The following SLITRK3 variants were observed in gnomAD, a reference collection of about 807,000 sequenced individuals.
The protein encoded by SLITRK3 is SLIT and NTRK like family member 3.
SLITRK3 carries 16 observed loss-of-function variants against 63.6 expected under a neutral mutation model. That is an observed-to-expected ratio of 0.25 (90% CI 0.17 to 0.38). SLITRK3 has a LOEUF of 0.38. Ranked by LOEUF, SLITRK3 falls within the 10% of genes least tolerant of loss-of-function variation. The pLI, the probability that SLITRK3 is intolerant of heterozygous loss-of-function variation, is 1.00. For missense variants in SLITRK3, 1,117 were observed against 1,181.4 expected (o/e 0.95, Z 0.80); for synonymous variants, 547 against 451.6 (o/e 1.21, Z -2.68).
At position 165,189,472 on chromosome 3, in the gene SLITRK3, G is replaced by A; in HGVS notation, c.1359C>T (p.Ile453=). ...AGAGGCTCTTTAAGTTGGGCAAGTTGATAAAGGCCCCATCTTGGACATAGG... is the reference window on the plus strand; with the variant it reads ...AGAGGCTCTTTAAGTTGGGCAAGTTAATAAAGGCCCCATCTTGGACATAGG... ...RISYVQDGAF[I]NLPNLKSLFL... is the part of the protein sequence containing the mutation. Residue 453 remains isoleucine (I), a synonymous_variant, in exon 2 of 2, where the codon ATC becomes ATT. Transcript: ENST00000475390. The surrounding 1 kb of genome is among the most constrained non-coding windows in gnomAD (Gnocchi z 4.0). 2 of 1,613,512 alleles carry A rather than the reference G, an allele frequency of 1.2e-6. No homozygotes were observed. The highest frequency in any genetic ancestry group is 1.3e-5 in the African/African-American group (1 of 75,034).
chr3:165,191,870 C>T (rs1411664642), intron 1 of SLITRK3, among the ~76,000 whole-genome samples: 2 of 152,084 alleles, frequency 1.3e-5, no homozygotes, highest in African/African-American at 2.4e-5. Flanking sequence ...ATCTATCACA[C>T]GAAATAAATT....
At chr3:165,195,380 G>A (rs1490119306) in intron 1 of SLITRK3, among the ~76,000 whole-genome samples, 200 bp downstream of exon 1, 1 of 152,102 alleles carries the variant, frequency 6.6e-6, no homozygotes, top group Admixed American at 6.5e-5. Context: ...AGGTCCGAGG[G>A]TATGTTAGTC....
chr3:165,188,695 A>G lies in SLITRK3; in HGVS notation c.2136T>C (p.Gly712=). The stretch of plus-strand genomic sequence containing the variant: ...CCCCACTTCCGCCACCACCACCTCC[A>G]CCATCCTCAAACAGCCTGTGGCATT... The part of the protein sequence containing the change: ...QMQCHRLFED[G]GGGGGGSGGG... Residue 712 remains glycine (G), a synonymous_variant, in exon 2 of 2, where the codon GGT becomes GGC. Transcript: ENST00000475390. 6.2e-7 allele frequency: 1 copy of G among 1,613,772 alleles called. No individual in the cohort carries two copies. The highest frequency in any genetic ancestry group is 2.2e-5 in the East Asian group (1 of 44,848).
Position 165,190,627 on chromosome 3 carries a change from A to T in SLITRK3, c.204T>A (p.Asn68Lys). 1 of 1,613,962 alleles carries T rather than the reference A, an allele frequency of 6.2e-7. No individual in the cohort carries two copies. ...HIHCDSKGFT[N>K]ISQITEFWSR... is the part of the protein sequence containing the mutation. ...ACCAGAACTCGGTAATCTGACTAAT[A>T]TTTGTAAATCCTTTACTGTCACAAT... Residue 68 changes from asparagine (N) to lysine (K), a missense_variant, in exon 2 of 2, where the codon AAT (asparagine) becomes AAA (lysine). Transcript: ENST00000475390.
intron 1 of SLITRK3, among the ~76,000 whole-genome samples, chr3:165,194,593 TCCCCAGCTGCCGGCA>T (rs988568709): frequency 2.6e-5 from 4 of 151,668 alleles, no homozygotes; most frequent in African/African-American, 9.7e-5. Flanking sequence ...TCCCTCTCCC[TCCCCAGCTGCCGGCA>T]CCCGCACCCT....
Position 165,196,199 on chromosome 3 carries a change from G to A in SLITRK3, c.-641C>T, listed in dbSNP as rs1341438945. Among the ~76,000 whole-genome samples, 1 of 151,156 alleles carries A rather than the reference G, an allele frequency of 6.6e-6. No individual in the cohort carries two copies. The highest frequency in any genetic ancestry group is 1.5e-5 in the Non-Finnish European group (1 of 67,856). On this transcript the variant is annotated 5_prime_UTR_variant, in exon 1 of 2. Coordinates refer to ENST00000475390, the MANE Select transcript of SLITRK3 (RefSeq NM_001318810.2). The stretch of plus-strand genomic sequence containing the variant: ...GTGGGGAGAGGCGGAAAGGAGGCAG[G>A]AAGGGGGCGACTAGATCTCAGATCC...
Position 165,186,726 on chromosome 3 carries a change from T to C in SLITRK3, c.*1171A>G, listed in dbSNP as rs1717968468. The C allele has an allele frequency of 1.3e-5, 2 of 152,586 alleles. No individual in the cohort carries two copies. Among genetic ancestry groups the C allele is most frequent in the African/African-American group, 4.8e-5 (2 of 41,442 alleles). 9.5% of individuals were successfully genotyped at this position (152,586 alleles called of 1,614,324 possible). A position where few individuals can be genotyped will look rare whatever the true frequency, so the allele number is the denominator to read the frequency against. ...ATCCTCTATATATAATGTATTATGTTTTTCAAAAACTTTTTATTAGGAAAG... is the reference window on the plus strand; with the variant it reads ...ATCCTCTATATATAATGTATTATGTCTTTCAAAAACTTTTTATTAGGAAAG... On this transcript the variant is annotated 3_prime_UTR_variant, in exon 2 of 2. Transcript: ENST00000475390.
Position 165,190,333 on chromosome 3 carries a change from A to C in SLITRK3, c.498T>G (p.Ser166Arg). The C allele has an allele frequency of 6.2e-7, 1 of 1,614,064 alleles. No homozygotes were observed. The highest frequency in any genetic ancestry group is 1.3e-5 in the African/African-American group (1 of 75,006). The change falls in exon 2 of 2, where the codon AGT becomes AGG. Residue 166 changes from serine to arginine, a missense_variant. Around this residue, in one of 4 missense-constraint regions of SLITRK3, gnomAD observed 452 missense variants for 495.3 expected, o/e 0.91. Transcript: ENST00000475390. ...ADYNVIKRIE[S>R]GAFRNLSKLR... is the part of the protein sequence containing the mutation. ...ATTTACTTAGGTTCCGAAATGCCCC[A>C]CTCTCAATACGTTTAATGACATTGT...
chr3:165,190,625 A>G lies in SLITRK3; in HGVS notation c.206T>C (p.Ile69Thr), dbSNP rs1718178451. 1 of 1,614,000 alleles carries G rather than the reference A, an allele frequency of 6.2e-7. No individual in the cohort carries two copies. Among genetic ancestry groups the G allele is most frequent in the African/African-American group, 1.3e-5 (1 of 75,044 alleles). Residue 69 changes from isoleucine (I) to threonine (T), a missense_variant, in exon 2 of 2, where the codon ATT becomes ACT. By Grantham distance (89) the Ile-to-Thr change is moderately conservative (BLOSUM62 -1). This residue lies in a region of SLITRK3 where 452 missense variants were observed against 495.3 expected (regional missense o/e 0.91). Coordinates refer to ENST00000475390, the MANE Select transcript of SLITRK3 (RefSeq NM_001318810.2). Reference protein sequence around the residue: ...IHCDSKGFTNISQITEFWSRP... With the variant: ...IHCDSKGFTNTSQITEFWSRP... Reference sequence around the variant, plus strand: ...TGACCAGAACTCGGTAATCTGACTAATATTTGTAAATCCTTTACTGTCACA... The same window carrying G: ...TGACCAGAACTCGGTAATCTGACTAGTATTTGTAAATCCTTTACTGTCACA...
At position 165,187,528 on chromosome 3, in the gene SLITRK3, A is replaced by C. The variant is rs1422597543; in HGVS notation, c.*369T>G. 1 of 171,920 alleles carries C rather than the reference A, an allele frequency of 5.8e-6. No homozygotes were observed. Among genetic ancestry groups the C allele is most frequent in the Non-Finnish European group, 1.2e-5 (1 of 81,398 alleles). 10.6% of individuals were successfully genotyped at this position (171,920 alleles called of 1,614,324 possible). ...ACTATAAAAAAAATAGTTACTGAAA[A>C]TAAAAAGACACATTGAATTTTACTT... On this transcript the variant is annotated 3_prime_UTR_variant, in exon 2 of 2. Coordinates refer to ENST00000475390, the MANE Select transcript of SLITRK3 (RefSeq NM_001318810.2).
Position 165,186,918 on chromosome 3 carries a change from T to A in SLITRK3, c.*979A>T, listed in dbSNP as rs1717974739. ...AAGCTGTTAGTGATATATACCCAGT[T>A]GCTTTTTTTAATATTATATATATAT... On this transcript the variant is annotated 3_prime_UTR_variant, in exon 2 of 2. Transcript: ENST00000475390. 1 of 152,286 alleles carries A rather than the reference T, an allele frequency of 6.6e-6. No homozygotes were observed. The highest frequency in any genetic ancestry group is 6.6e-5 in the Admixed American group (1 of 15,218). The allele number at this position is 152,286 out of a possible 1,614,324, so 9.4% of individuals were successfully genotyped here. A position where few individuals can be genotyped will look rare whatever the true frequency, so the allele number is the denominator to read the frequency against.
chr3:165,194,321 A>G (rs1017189603), intron 1 of SLITRK3, among the ~76,000 whole-genome samples: 1 of 152,178 alleles, frequency 6.6e-6, no homozygotes, highest in South Asian at 2.1e-4. Flanking sequence ...CTGCTCTAAA[A>G]CAGGTAAATC....
chr3:165,187,941 G>T lies in SLITRK3; in HGVS notation c.2890C>A (p.Pro964Thr), dbSNP rs375170496. The change falls in exon 2 of 2, where the codon CCG becomes ACG. Residue 964 changes from proline to threonine, a missense_variant. Around this residue, in one of 4 missense-constraint regions of SLITRK3, gnomAD observed 499 missense variants for 463.6 expected, o/e 1.08. Coordinates refer to ENST00000475390, the MANE Select transcript of SLITRK3 (RefSeq NM_001318810.2). ...TTCTCCAGGACTTCGAGGTAATCCG[G>T]CTTGGTTTGAAGTTTGGCCCTTAAC... Reference protein sequence around the residue: ...LELRAKLQTKPDYLEVLEKTT... With the variant: ...LELRAKLQTKTDYLEVLEKTT... 9 of 1,613,774 alleles carry T rather than the reference G, an allele frequency of 5.6e-6. No homozygotes were observed. The highest frequency in any genetic ancestry group is 7.6e-6 in the Non-Finnish European group (9 of 1,179,964).
At chr3:165,192,607 T>G (rs1000752452) in intron 1 of SLITRK3, among the ~76,000 whole-genome samples, 1 of 151,240 alleles carries the variant, frequency 6.6e-6, no homozygotes, top group East Asian at 1.9e-4. Context: ...AGTTTAAGGA[T>G]TCTCTCTCTT....
intron 1 of SLITRK3, among the ~76,000 whole-genome samples, chr3:165,192,586 A>G (rs1362218715): frequency 2.0e-5 from 3 of 151,782 alleles, no homozygotes; most frequent in Non-Finnish European, 4.4e-5. Context: ...AAAAGAAAAA[A>G]AAAAAGCTTG....
At chr3:165,191,374 T>C (rs1718220006) in intron 1 of SLITRK3, among the ~76,000 whole-genome samples, 2 of 152,258 alleles carry the variant, frequency 1.3e-5, no homozygotes, top group Admixed American at 1.3e-4. Context: ...TGTGATAAAG[T>C]ATGAGCCTAT....
rs1718414346 is a variant in SLITRK3 at position 165,196,326 on chromosome 3, G to A, written c.-768C>T. Among the ~76,000 whole-genome samples, 1 of 151,656 alleles carries A rather than the reference G, an allele frequency of 6.6e-6. No individual in the cohort carries two copies. Among genetic ancestry groups the A allele is most frequent in the African/African-American group, 2.4e-5 (1 of 41,254 alleles). ...GCACACCAAATTCCACTTGGATTTG[G>A]GAGATCTCAGGCAAAGCACGAAGGT... On this transcript the variant is annotated 5_prime_UTR_variant, in exon 1 of 2. Coordinates refer to ENST00000475390, the MANE Select transcript of SLITRK3 (RefSeq NM_001318810.2).
rs1441073556 is a variant in SLITRK3, at chr3:165,189,744, A to G, written c.1087T>C (p.Tyr363His). 1 of 1,614,182 alleles carries G rather than the reference A, an allele frequency of 6.2e-7. No individual in the cohort carries two copies. Among genetic ancestry groups the G allele is most frequent in the East Asian group, 2.2e-5 (1 of 44,870 alleles). ...PGPNQPPIAPYQTRPPIPIIC... is the reference protein window; with the variant it reads ...PGPNQPPIAPHQTRPPIPIIC... ...ATGGGGATTGGTGGTCTGGTCTGAT[A>G]AGGAGCAATGGGAGGCTGGTTTGGA... The change falls in exon 2 of 2, where the codon TAT becomes CAT. Residue 363 changes from tyrosine to histidine, a missense_variant. By Grantham distance (83) the Tyr-to-His change is moderately conservative. This residue lies in a region of SLITRK3 where 452 missense variants were observed against 495.3 expected (regional missense o/e 0.91). Transcript: ENST00000475390. The surrounding 1 kb of genome is among the most constrained non-coding windows in gnomAD (Gnocchi z 4.0).
chr3:165,190,806 G>A lies in SLITRK3; in HGVS notation c.25C>T (p.Leu9Phe), dbSNP rs1298060220. Residue 9 changes from leucine (L) to phenylalanine (F), a missense_variant, in exon 2 of 2, where the codon CTT (leucine) becomes TTT (phenylalanine). Leu to Phe is a conservative substitution (Grantham distance 22). Coordinates refer to ENST00000475390, the MANE Select transcript of SLITRK3 (RefSeq NM_001318810.2). Reference sequence around the variant, plus strand: ...ATCCACAACATCCTTCCTCTGTGAAGCATCTCAGCTATGGAAGGTTTCATC... The same window carrying A: ...ATCCACAACATCCTTCCTCTGTGAAACATCTCAGCTATGGAAGGTTTCATC... Reference protein sequence around the residue: MKPSIAEMLHRGRMLWIIL... With the variant: MKPSIAEMFHRGRMLWIIL... 1.9e-6 allele frequency: 3 copies of A among 1,596,930 alleles called. No homozygotes were observed. The highest frequency in any genetic ancestry group is 1.8e-5 in the Admixed American group (1 of 56,158).
Sources: gnomAD v4.1 joint callset for allele counts (sites outside exome capture counted in the v4.1 genomes callset) on GRCh38, gnomAD v4.1.1 for gene constraint, gnomAD v4.1.1 regional missense constraint, Gnocchi (gnomAD v3.1) non-coding constraint, MANE v1.5 for transcripts, NCBI Gene and HGNC (gene_info 2026-07-23, HGNC 2026-07-21) for gene names.